Variants in MFHAS1 observed in about 807,000 individuals in gnomAD.
MFHAS1 encodes the protein malignant fibrous histiocytoma-amplified sequence 1.
A neutral mutation model predicts 70.4 loss-of-function variants in MFHAS1; 50 were observed. The observed-to-expected ratio is 0.71, with a 90% CI of 0.57 to 0.90. The LOEUF is 0.90. Ranked by LOEUF, MFHAS1 falls within the 40% of genes least tolerant of loss-of-function variation. The pLI, the probability that MFHAS1 is intolerant of heterozygous loss-of-function variation, is 0.00. For missense variants in MFHAS1, 1,795 were observed against 1,347.6 expected (o/e 1.33, Z -5.20); for synonymous variants, 952 against 620.0 (o/e 1.54, Z -7.96).
In MFHAS1 at chr8:8,783,474, C is replaced by A. The variant is rs1384124955; in HGVS notation, c.*2548G>T. 6.6e-6 allele frequency: 1 copy of A among 152,140 alleles called. No homozygotes were observed. Among genetic ancestry groups the A allele is most frequent in the African/African-American group, 2.4e-5 (1 of 41,424 alleles). 9.4% of individuals were successfully genotyped at this position (152,140 alleles called of 1,614,324 possible). ...CATGGCATGAAAAACAACACGCACC[C>A]CATCAGGAATTACACCAAACCCCTT... On this transcript the variant is annotated 3_prime_UTR_variant, in exon 3 of 3. Coordinates refer to ENST00000276282, the MANE Select transcript of MFHAS1 (RefSeq NM_004225.3).
intron 1 of MFHAS1, among the ~76,000 whole-genome samples, chr8:8,844,264 G>C (rs532964549): frequency 2.8e-4 from 43 of 152,256 alleles, no homozygotes; most frequent in Middle Eastern, 3.4e-3. Context: ...ATGATTCTAA[G>C]TCAGTTAATC....
Position 8,891,140 on chromosome 8 carries a change from T to A in MFHAS1, c.1919A>T (p.Asp640Val), listed in dbSNP as rs1444563246. 3 of 1,613,668 alleles carry A rather than the reference T, an allele frequency of 1.9e-6. No homozygotes were observed. The highest frequency in any genetic ancestry group is 2.5e-6 in the Non-Finnish European group (3 of 1,180,008). The change falls in exon 1 of 3, where the codon GAC becomes GTC. Residue 640 changes from aspartate (D) to valine (V), a missense_variant. Transcript: ENST00000276282. This position sits in a 1 kb window ranked among gnomAD's most constrained non-coding sequence, Gnocchi z 5.4. ...RDPRHLRRLR[D>V]KLLSVAEHRE... ...GTGCTCAGCAACTGACAGCAACTTG[T>A]CCCGAAGGCGTCGTAAGTGGCGCGG...
At position 8,785,886 on chromosome 8, in the gene MFHAS1, G is replaced by C. The variant is rs548837885; in HGVS notation, c.*136C>G. On this transcript the variant is annotated 3_prime_UTR_variant, in exon 3 of 3. Transcript: ENST00000276282. ...CACCTCTTCCCCAGTCGTCCAAAAA[G>C]CACCCTGCAAGCACGCGTTGTCACT... is the stretch of plus-strand genomic sequence containing the variant. 6.5e-5 allele frequency: 22 copies of C among 337,280 alleles called. 1 individual carries two copies. Among genetic ancestry groups the C allele is most frequent in the Middle Eastern group, 6.2e-4 (1 of 1,624 alleles). 20.9% of individuals were successfully genotyped at this position (337,280 alleles called of 1,614,324 possible).
chr8:8,852,856 G>A (rs897413181), intron 1 of MFHAS1, among the ~76,000 whole-genome samples: 8 of 152,130 alleles, frequency 5.3e-5, no homozygotes, highest in Non-Finnish European at 8.8e-5. Flanking sequence ...TGTTAGCCCC[G>A]ATGAGTCAAA....
intron 1 of MFHAS1, among the ~76,000 whole-genome samples, chr8:8,854,410 A>C (rs934027591): frequency 3.9e-4 from 59 of 151,980 alleles, no homozygotes; most frequent in African/African-American, 1.3e-3. Flanking sequence ...AGTCCCAGCT[A>C]CTCCGGAGGC....
At chr8:8,813,603 G>T (rs1806630399) in intron 1 of MFHAS1, among the ~76,000 whole-genome samples, 1 of 152,092 alleles carries the variant, frequency 6.6e-6, no homozygotes, top group African/African-American at 2.4e-5. Flanking sequence ...AATTTAAATA[G>T]AAAAAACTCA....
intron 1 of MFHAS1, among the ~76,000 whole-genome samples, chr8:8,800,057 C>A (rs1806033366): frequency 6.6e-6 from 1 of 152,224 alleles, no homozygotes; most frequent in Non-Finnish European, 1.5e-5. Flanking sequence ...CTCCCCAAAG[C>A]AGGGACTGCT....
chr8:8,891,499 C>G lies in MFHAS1; in HGVS notation c.1560G>C (p.Leu520Phe). Reference protein sequence around the residue: ...RHFPTTVGSFLHRVGARVPHA... With the variant: ...RHFPTTVGSFFHRVGARVPHA... ...GGGGCACTCTCGCCCCGACCCGATG[C>G]AAGAAGGAGCCCACGGTGGTAGGAA... The change falls in exon 1 of 3, where the codon TTG becomes TTC. Residue 520 changes from leucine to phenylalanine, a missense_variant. By Grantham distance (22) the Leu-to-Phe change is conservative. Coordinates refer to ENST00000276282, the MANE Select transcript of MFHAS1 (RefSeq NM_004225.3). This position sits in a 1 kb window ranked among gnomAD's most constrained non-coding sequence, Gnocchi z 5.4. 6.2e-7 allele frequency: 1 copy of G among 1,613,092 alleles called. No individual in the cohort carries two copies. Among genetic ancestry groups the G allele is most frequent in the East Asian group, 2.2e-5 (1 of 44,880 alleles).
intron 1 of MFHAS1, among the ~76,000 whole-genome samples, chr8:8,857,545 T>C (rs893803424): frequency 2.0e-5 from 3 of 152,006 alleles, no homozygotes; most frequent in African/African-American, 7.2e-5. Flanking sequence ...GATCACAAGG[T>C]CAGGAGCTCG....
chr8:8,818,966 G>C (rs1389244968), intron 1 of MFHAS1, among the ~76,000 whole-genome samples: 1 of 152,146 alleles, frequency 6.6e-6, no homozygotes, highest in Non-Finnish European at 1.5e-5. Flanking sequence ...TTATTCTACG[G>C]ATATACTAAC....
chr8:8,829,724 T>C (rs769969174), intron 1 of MFHAS1, among the ~76,000 whole-genome samples: 52 of 152,280 alleles, frequency 3.4e-4, no homozygotes, highest in Non-Finnish European at 4.7e-4. Flanking sequence ...GAAAGGAGAT[T>C]GCGTGGGGTA....
intron 1 of MFHAS1, among the ~76,000 whole-genome samples, chr8:8,824,402 G>A (rs964460332): frequency 3.9e-5 from 6 of 152,156 alleles, no homozygotes; most frequent in Non-Finnish European, 7.4e-5. Context: ...CCTCAGAAAA[G>A]ATCCAGTCTC....
intron 1 of MFHAS1, among the ~76,000 whole-genome samples, chr8:8,839,264 A>T: frequency 6.6e-6 from 1 of 152,066 alleles, no homozygotes; most frequent in Non-Finnish European, 1.5e-5. Flanking sequence ...TTTTCTTCTC[A>T]ACAGTATGCA....
At chr8:8,815,272 GGC>G (rs1806698816) in intron 1 of MFHAS1, among the ~76,000 whole-genome samples, 1 of 152,102 alleles carries the variant, frequency 6.6e-6, no homozygotes, top group Non-Finnish European at 1.5e-5. Context: ...ATCATTGATG[GGC>G]ATTTGGGTTG....
chr8:8,810,436 A>C (rs1215342628), intron 1 of MFHAS1, among the ~76,000 whole-genome samples: 1 of 152,194 alleles, frequency 6.6e-6, no homozygotes, highest in Non-Finnish European at 1.5e-5. Flanking sequence ...ATGCAGGTCC[A>C]TTTACAGGAA....
Position 8,892,148 on chromosome 8 carries a change from C to T in MFHAS1, c.911G>A (p.Ser304Asn). 1 of 1,611,484 alleles carries T rather than the reference C, an allele frequency of 6.2e-7. No individual in the cohort carries two copies. The highest frequency in any genetic ancestry group is 8.5e-7 in the Non-Finnish European group (1 of 1,179,982). ...PLAGLEELYL[S>N]RNQLTSVPSL... ...TGGCACCGAGGTGAGCTGGTTGCGACTAAGGTAGAGCTCCTCCAGACCAGC... is the reference window on the plus strand; with the variant it reads ...TGGCACCGAGGTGAGCTGGTTGCGATTAAGGTAGAGCTCCTCCAGACCAGC... Residue 304 changes from serine to asparagine, a missense_variant, in exon 1 of 3, where the codon AGT becomes AAT. By Grantham distance (46) the Ser-to-Asn change is conservative. Transcript: ENST00000276282. This position sits in a 1 kb window ranked among gnomAD's most constrained non-coding sequence, Gnocchi z 4.7.
At chr8:8,886,309 G>A (rs1809750608) in intron 1 of MFHAS1, among the ~76,000 whole-genome samples, 1 of 152,008 alleles carries the variant, frequency 6.6e-6, no homozygotes, top group South Asian at 2.1e-4. Flanking sequence ...GGGACCACAA[G>A]TGTGCACGCT....
At chr8:8,865,854 T>A (rs774123116) in intron 1 of MFHAS1, among the ~76,000 whole-genome samples, 1 of 152,164 alleles carries the variant, frequency 6.6e-6, no homozygotes, top group Non-Finnish European at 1.5e-5. Context: ...AAACAAGTGG[T>A]GTCTATTATT....
chr8:8,806,897 G>A (rs1444576925), intron 1 of MFHAS1, among the ~76,000 whole-genome samples: 1 of 151,996 alleles, frequency 6.6e-6, no homozygotes, highest in Non-Finnish European at 1.5e-5. Flanking sequence ...GGAGGCAGAG[G>A]TTGCAGAGAG....
Sources: gnomAD v4.1 joint callset for allele counts (sites outside exome capture counted in the v4.1 genomes callset) on GRCh38, gnomAD v4.1.1 for gene constraint, Gnocchi (gnomAD v3.1) non-coding constraint, MANE v1.5 for transcripts, NCBI Gene and HGNC (gene_info 2026-07-23, HGNC 2026-07-21) for gene names.